ALG6: variants seen among roughly 807,000 people sequenced by gnomAD.
ALG6 encodes ALG6 alpha-1,3-glucosyltransferase.
ALG6 carries 46 observed loss-of-function variants against 66.6 expected under a neutral mutation model. The ratio of observed to expected loss-of-function variants is 0.69; its 90% CI spans 0.55 to 0.88. ALG6 has a LOEUF of 0.88. ALG6 is among the 40% of genes least tolerant of loss of function. ALG6 has a pLI of 0.00. For synonymous variants in ALG6, 185 were observed against 203.7 expected, an observed-to-expected ratio of 0.91 and a Z score of 0.78; for missense variants, 505 against 586.8, an observed-to-expected ratio of 0.86 and a Z score of 1.44.
chr1:63,410,222 A>C (rs530027344), intron 7 of ALG6, among the ~76,000 whole-genome samples: 1 of 152,108 alleles, frequency 6.6e-6, no homozygotes, highest in Non-Finnish European at 1.5e-5. Flanking sequence ...CTATTATAAC[A>C]GATCCTCCCA....
intron 2 of ALG6, among the ~76,000 whole-genome samples, chr1:63,380,472 A>G (rs1287624575): frequency 6.6e-6 from 1 of 152,214 alleles, no homozygotes; most frequent in Non-Finnish European, 1.5e-5. Flanking sequence ...TAATTGGTCC[A>G]TTGGAAAGTC....
intron 7 of ALG6, among the ~76,000 whole-genome samples, chr1:63,407,379 G>A (rs1362685326): frequency 6.6e-6 from 1 of 151,990 alleles, no homozygotes; most frequent in Non-Finnish European, 1.5e-5. Context: ...AGCTCTTTCT[G>A]GGGTGTTGGA....
chr1:63,428,667 T>A, intron 12 of ALG6, 66 bp from the exon 13 acceptor site: 2 of 1,190,032 alleles, frequency 1.7e-6, no homozygotes, highest in Non-Finnish European at 2.4e-6. Flanking sequence ...GTATTTATAT[T>A]TTTTACAATT....
At chr1:63,422,126 AATAAATAT>A (rs1387374027) in intron 12 of ALG6, among the ~76,000 whole-genome samples, 2 of 74,384 alleles carry the variant, frequency 2.7e-5, no homozygotes, top group South Asian at 5.1e-4. Context: ...TAAATATATA[AATAAATAT>A]ATAAATATAT....
At chr1:63,379,852 G>C (rs1405373467) in intron 2 of ALG6, among the ~76,000 whole-genome samples, 2 of 150,848 alleles carry the variant, frequency 1.3e-5, no homozygotes, top group African/African-American at 4.9e-5. Flanking sequence ...AGATGTTTTT[G>C]GACCCTTTGT....
chr1:63,378,864 GTT>G (rs34012309), intron 2 of ALG6, among the ~76,000 whole-genome samples: 6 of 130,660 alleles, frequency 4.6e-5, no homozygotes, highest in Non-Finnish European at 5.0e-5. Flanking sequence ...TAATTTGTTT[GTT>G]TTTTTTTTTT....
rs1491374504 is a variant in ALG6 at position 63,400,244 on chromosome 1, CGT to C, written c.168-2009_168-2008del. Among the ~76,000 whole-genome samples, 46 of 15,142 alleles carry C rather than the reference CGT, an allele frequency of 3.0e-3. 3 individuals carry two copies. The highest frequency in any genetic ancestry group is 0.01 in the East Asian group (9 of 862). The allele number at this position is 15,142 out of a possible 152,430, so 9.9% of individuals were successfully genotyped here. Reference sequence around the variant, plus strand: ...ATACGTATATATATATATATATATACGTATATATATGTATATATATATACGTA... The same window carrying C: ...ATACGTATATATATATATATATATACATATATATGTATATATATATACGTA... On this transcript the variant is annotated intron_variant, in intron 3 of 14. Coordinates refer to ENST00000263440, the MANE Select transcript of ALG6 (RefSeq NM_013339.4).
At chr1:63,415,598 C>T (rs953091382) in intron 10 of ALG6, among the ~76,000 whole-genome samples, 4 of 151,954 alleles carry the variant, frequency 2.6e-5, no homozygotes, top group African/African-American at 9.7e-5. Context: ...ATTTTCTATA[C>T]ATGATATTAA....
chr1:63,419,341 A>C, intron 11 of ALG6, 29 bp from the exon 12 acceptor site: 2 of 1,527,616 alleles, frequency 1.3e-6, no homozygotes, highest in Non-Finnish European at 1.8e-6. Context: ...AAGTTGTTAT[A>C]TCTCATTTCC....
At chr1:63,420,446 C>G (rs1644567610) in intron 12 of ALG6, among the ~76,000 whole-genome samples, 1 of 152,156 alleles carries the variant, frequency 6.6e-6, no homozygotes, top group Non-Finnish European at 1.5e-5. Flanking sequence ...TATAATCTGA[C>G]CAGATTAGTT....
chr1:63,389,548 A>G (rs1378898693), intron 2 of ALG6, among the ~76,000 whole-genome samples: 1 of 152,202 alleles, frequency 6.6e-6, no homozygotes. Context: ...GAAAGGTCAC[A>G]TACCTCTATC....
At position 63,433,757 on chromosome 1, in the gene ALG6, C is replaced by CA. The variant is rs1255580484; in HGVS notation, c.1327-3062dup. Among the ~76,000 whole-genome samples the CA allele has an allele frequency of 3.9e-5, 6 of 152,068 alleles. No homozygotes were observed. Among genetic ancestry groups the CA allele is most frequent in the African/African-American group, 1.2e-4 (5 of 41,396 alleles). On this transcript the variant is annotated intron_variant, in intron 14 of 14. Transcript: ENST00000263440. The surrounding 1 kb of genome is among the most constrained non-coding windows in gnomAD (Gnocchi z 4.2). ...TGGAGGCTGAGGATACGGTAGTGAC[C>CA]AAAACTAACAGAAATCCCTGCTCCC...
intron 1 of ALG6, 83 bp from the exon 2 acceptor site, chr1:63,370,688 C>T (rs1570025927): frequency 2.6e-6 from 1 of 383,522 alleles, no homozygotes; most frequent in East Asian, 5.6e-5. Flanking sequence ...CTCGAATTCT[C>T]TATCCTTCTA....
intron 14 of ALG6, among the ~76,000 whole-genome samples, chr1:63,435,784 C>T (rs1644675513): frequency 6.6e-6 from 1 of 152,122 alleles, no homozygotes; most frequent in Non-Finnish European, 1.5e-5. Flanking sequence ...AAGTACATTT[C>T]AAATGCCCAA....
At chr1:63,368,912 C>G (rs1570023886) in intron 1 of ALG6, among the ~76,000 whole-genome samples, 1 of 152,108 alleles carries the variant, frequency 6.6e-6, no homozygotes, top group African/African-American at 2.4e-5. Flanking sequence ...AACCACTACT[C>G]AAATCAAGAA....
intron 14 of ALG6, among the ~76,000 whole-genome samples, chr1:63,434,160 G>T (rs1398292847): frequency 1.3e-5 from 2 of 152,234 alleles, no homozygotes; most frequent in Non-Finnish European, 2.9e-5. Context: ...TGGTAGCTAT[G>T]TGGAGAACAG....
chr1:63,431,612 A>T (rs1390404192), intron 14 of ALG6, among the ~76,000 whole-genome samples: 1 of 152,148 alleles, frequency 6.6e-6, no homozygotes, highest in Non-Finnish European at 1.5e-5. Context: ...TTCACCATGA[A>T]TATTGCCGTC....
rs766565038 is a variant in ALG6 at position 63,375,410 on chromosome 1, ATTTTTTTTTTTTTTT to A, written c.82+4364_82+4378del. ...ACAGGCATGTGCCACCACCCCCGGC[ATTTTTTTTTTTTTTT>A]TTTTTTTTTTTTCCAGTAGAGACAG... On this transcript the variant is annotated intron_variant, in intron 2 of 14. Transcript: ENST00000263440. 9.1e-5 allele frequency among the ~76,000 whole-genome samples: 7 copies of A among 77,068 alleles called. No individual in the cohort carries two copies. The South Asian group carries it at 2.0e-3, about 22-fold the overall frequency. The allele number at this position is 77,068 out of a possible 152,430, so 50.6% of individuals were successfully genotyped here.
chr1:63,369,688 T>C (rs1192259976), intron 1 of ALG6, among the ~76,000 whole-genome samples: 1 of 152,164 alleles, frequency 6.6e-6, no homozygotes, highest in East Asian at 1.9e-4. Context: ...AGGTGGAATG[T>C]ACCAATTTTG....
Sources: gnomAD v4.1 joint callset for allele counts (sites outside exome capture counted in the v4.1 genomes callset) on GRCh38, gnomAD v4.1.1 for gene constraint, Gnocchi (gnomAD v3.1) non-coding constraint, MANE v1.5 for transcripts, NCBI Gene and HGNC (gene_info 2026-07-23, HGNC 2026-07-21) for gene names.